ECSCR: variants seen among roughly 807,000 people sequenced by gnomAD.
ECSCR encodes the protein endothelial cell-specific chemotaxis regulator.
In ECSCR, 12 loss-of-function variants were observed where a neutral mutation model predicts 16.7. That is an observed-to-expected ratio of 0.72 (90% confidence interval 0.46 to 1.17). The LOEUF (loss-of-function observed/expected upper bound fraction) is 1.17, where lower values mean the gene tolerates loss of function less well. Ranked by LOEUF, ECSCR falls within the 50% of genes most tolerant of loss-of-function variation. The probability of loss-of-function intolerance (pLI) is 0.00; values close to 1 mark genes in which losing one functional copy is unlikely to be tolerated. For missense variants in ECSCR, 122 were observed against 116.1 expected (o/e 1.05, Z -0.23); for synonymous variants, 44 against 42.2 (o/e 1.04, Z -0.17).
intron 1 of ECSCR, 91 bp from the exon 2 acceptor site, chr5:139,458,274 C>G (rs991309921): frequency 3.9e-6 from 5 of 1,277,788 alleles, no homozygotes; most frequent in African/African-American, 3.0e-5. Flanking sequence ...CTGGCCCAGC[C>G]TGGGCAACAT....
At chr5:139,452,251 T>G (rs1751072526) in intron 8 of ECSCR, among the ~76,000 whole-genome samples, 2 of 68,044 alleles carry the variant, frequency 2.9e-5, no homozygotes, top group Admixed American at 1.7e-4. Context: ...ATGTGTGGGG[T>G]GTGTGGGTAT....
At chr5:139,458,718 C>T (rs1264327758) in intron 1 of ECSCR, among the ~76,000 whole-genome samples, 4 of 150,948 alleles carry the variant, frequency 2.6e-5, no homozygotes, top group East Asian at 1.9e-4. Flanking sequence ...TGATGGCACA[C>T]GCCTGTAATC....
At chr5:139,448,953 T>C in intron 9 of ECSCR, 45 bp from the exon 10 acceptor site, 1 of 1,537,148 alleles carries the variant, frequency 6.5e-7, no homozygotes, top group Non-Finnish European at 8.7e-7. Context: ...TTTTTAGGAT[T>C]GGCAGGGTAC....
Position 139,455,814 on chromosome 5 carries a change from T to TAAAAAA in ECSCR, c.263-384_263-379dup, listed in dbSNP as rs1187505493. On this transcript the variant is annotated intron_variant, in intron 5 of 9. Coordinates refer to ENST00000618155, the MANE Select transcript of ECSCR (RefSeq NM_001077693.4). The stretch of plus-strand genomic sequence containing the variant: ...CAACATGGTGAAACCCCATCTCTCC[T>TAAAAAA]AAAAAAAAAAAAAAAAAAAAAAAAA... 7.1e-4 allele frequency among the ~76,000 whole-genome samples: 35 copies of TAAAAAA among 49,092 alleles called. 1 individual carries two copies. The highest frequency in any genetic ancestry group is 2.5e-3 in the African/African-American group (32 of 13,034). The allele number at this position is 49,092 out of a possible 152,430, so 32.2% of individuals were successfully genotyped here. A position where few individuals can be genotyped will look rare whatever the true frequency, so the allele number is the denominator to read the frequency against.
chr5:139,453,686 T>C, intron 8 of ECSCR, among the ~76,000 whole-genome samples: 1 of 109,670 alleles, frequency 9.1e-6, no homozygotes, highest in South Asian at 3.4e-4. Context: ...TAGTATGGGT[T>C]GTGTGTATGG....
At chr5:139,457,708 G>A in intron 3 of ECSCR, 49 bp downstream of exon 3, 1 of 1,607,810 alleles carries the variant, frequency 6.2e-7, no homozygotes, top group Non-Finnish European at 8.5e-7. Context: ...AGGTCTGAAT[G>A]AATGGGTGTG....
intron 8 of ECSCR, among the ~76,000 whole-genome samples, chr5:139,450,178 C>G (rs902407044): frequency 1.3e-5 from 2 of 152,040 alleles, no homozygotes. Context: ...CAGGCATGAG[C>G]CACCGCGCCT....
In ECSCR at chr5:139,457,093, A is replaced by G. The variant is rs917477672; in HGVS notation, c.217+452T>C. 3.2e-4 allele frequency among the ~76,000 whole-genome samples: 48 copies of G among 152,346 alleles called. No individual in the cohort carries two copies. In the East Asian group the frequency reaches 8.5e-3, roughly 27 times the overall value. On this transcript the variant is annotated intron_variant, in intron 4 of 9. Transcript: ENST00000618155. ...GGGCCTGCTCAGGGCCTTGGCCGGC[A>G]TGTGCACCGGGTGGGCTCTTCAGTC... is the stretch of plus-strand genomic sequence containing the variant.
At chr5:139,451,345 T>C (rs1751040662) in intron 8 of ECSCR, among the ~76,000 whole-genome samples, 1 of 149,552 alleles carries the variant, frequency 6.7e-6, no homozygotes. Context: ...GTTGTGTGTA[T>C]GTATAATATG....
chr5:139,451,714 TG>T (rs1751053297), intron 8 of ECSCR, among the ~76,000 whole-genome samples: 1 of 131,630 alleles, frequency 7.6e-6, no homozygotes, highest in African/African-American at 2.9e-5. Context: ...GGTGTGTTTG[TG>T]GTGTGTGTGT....
intron 1 of ECSCR, among the ~76,000 whole-genome samples, chr5:139,460,400 G>A (rs997356077): frequency 1.3e-5 from 2 of 152,174 alleles, no homozygotes; most frequent in Non-Finnish European, 2.9e-5. Flanking sequence ...CATCCTAAAT[G>A]CTGGGATCAC....
At position 139,456,990 on chromosome 5, in the gene ECSCR, C is replaced by T. The variant is rs1029240405; in HGVS notation, c.218-472G>A. Among the ~76,000 whole-genome samples, 5 of 152,364 alleles carry T rather than the reference C, an allele frequency of 3.3e-5. No individual in the cohort carries two copies. In the East Asian group the frequency reaches 5.8e-4, roughly 18 times the overall value. On this transcript the variant is annotated intron_variant, in intron 4 of 9. Coordinates refer to ENST00000618155, the MANE Select transcript of ECSCR (RefSeq NM_001077693.4). ...AGAGCCCATCCACGGTGCCTGCCCT[C>T]GGCATCACGGGTTTACTGGCTGCCA...
chr5:139,451,534 G>T (rs1751048685), intron 8 of ECSCR, among the ~76,000 whole-genome samples: 2 of 144,630 alleles, frequency 1.4e-5, no homozygotes, highest in Non-Finnish European at 3.0e-5. Flanking sequence ...GAAGTGTGTG[G>T]TGTGTGTGTA....
chr5:139,462,705 A>T lies in ECSCR; in HGVS notation c.-35T>A. The T allele has an allele frequency of 6.3e-6, 8 of 1,277,834 alleles. No individual in the cohort carries two copies. Among genetic ancestry groups the T allele is most frequent in the Non-Finnish European group, 8.3e-6 (8 of 969,254 alleles). 79.2% of individuals were successfully genotyped at this position (1,277,834 alleles called of 1,614,324 possible). ...GTATGTGGCGGGCAGGCAGCAGCTC[A>T]GTGGAGGCTCTGTCCATAGTGGAGA... On this transcript the variant is annotated 5_prime_UTR_variant, in exon 1 of 10. Transcript: ENST00000618155.
intron 1 of ECSCR, among the ~76,000 whole-genome samples, chr5:139,459,547 C>T (rs908932051): frequency 5.9e-5 from 9 of 152,162 alleles, no homozygotes; most frequent in South Asian, 4.1e-4. Flanking sequence ...GTGTGTGTCC[C>T]GCTGTGTATG....
chr5:139,460,802 G>C (rs62385305), intron 1 of ECSCR, among the ~76,000 whole-genome samples: 2,631 of 152,048 alleles, frequency 0.017, 36 homozygotes, highest in Non-Finnish European at 0.02. Flanking sequence ...TCCCCTTCTA[G>C]TCTATCTCCA....
At chr5:139,462,468 T>C (rs1036609853) in intron 1 of ECSCR, 142 bp downstream of exon 1, 5 of 822,028 alleles carry the variant, frequency 6.1e-6, no homozygotes, top group Non-Finnish European at 9.9e-6. Flanking sequence ...CCAATCCAAC[T>C]GATCTTCATG....
At chr5:139,461,424 A>G (rs2152090441) in intron 1 of ECSCR, among the ~76,000 whole-genome samples, 1 of 152,228 alleles carries the variant, frequency 6.6e-6, no homozygotes, top group South Asian at 2.1e-4. Context: ...TGCTCTGCAC[A>G]CTTCAGGATG....
chr5:139,454,538 G>C, intron 8 of ECSCR, 64 bp downstream of exon 8: 1 of 398,066 alleles, frequency 2.5e-6, no homozygotes, highest in Admixed American at 4.4e-5. Context: ...AAGGCAGGAA[G>C]TGTTGGTTCC....
Sources: gnomAD v4.1 joint callset for allele counts (sites outside exome capture counted in the v4.1 genomes callset) on GRCh38, gnomAD v4.1.1 for gene constraint, MANE v1.5 for transcripts, NCBI Gene and HGNC (gene_info 2026-07-23, HGNC 2026-07-21) for gene names.